Variants in INSR observed in about 807,000 individuals in gnomAD.
INSR encodes insulin receptor.
In INSR, 67 loss-of-function variants were observed where a neutral mutation model predicts 142.6. That is an observed-to-expected ratio of 0.47 (90% CI 0.39 to 0.58). The LOEUF is 0.58. INSR is among the 20% of genes least tolerant of loss of function. INSR has a pLI of 0.00. For missense variants in INSR, 1,248 were observed against 1,833.2 expected, an observed-to-expected ratio of 0.68 and a Z score of 5.83; for synonymous variants, 756 against 743.1, an observed-to-expected ratio of 1.02 and a Z score of -0.28.
intron 1 of INSR, among the ~76,000 whole-genome samples, chr19:7,279,121 C>T (rs1010006343): frequency 1.3e-5 from 2 of 151,446 alleles, no homozygotes; most frequent in Non-Finnish European, 2.9e-5. Flanking sequence ...GAGTGACACT[C>T]CATCTCAAAA....
intron 2 of INSR, among the ~76,000 whole-genome samples, chr19:7,261,428 T>A (rs762180301): frequency 5.3e-5 from 8 of 152,196 alleles, no homozygotes; most frequent in Non-Finnish European, 1.2e-4. Flanking sequence ...TCCTGGTATC[T>A]TTGCCCCAAA....
intron 1 of INSR, among the ~76,000 whole-genome samples, chr19:7,286,616 G>A (rs1289325476): frequency 6.6e-6 from 1 of 151,246 alleles, no homozygotes; most frequent in African/African-American, 2.4e-5. Context: ...TCAAACTGCT[G>A]GCTTCAAGTG....
rs1445501006 is a variant in INSR, at chr19:7,150,233, G to T, written c.2267+264C>A. On this transcript the variant is annotated intron_variant, in intron 11 of 21. Transcript: ENST00000302850. The surrounding 1 kb of genome is among the most constrained non-coding windows in gnomAD (Gnocchi z 4.2). ...AAACAGTGGCTGCAAACAGAAGGCAGGGAGGGGGTACCCAGGAAGCACTCC... is the reference window on the plus strand; with the variant it reads ...AAACAGTGGCTGCAAACAGAAGGCATGGAGGGGGTACCCAGGAAGCACTCC... Among the ~76,000 whole-genome samples, 1 of 152,232 alleles carries T rather than the reference G, an allele frequency of 6.6e-6. No homozygotes were observed. Among genetic ancestry groups the T allele is most frequent in the East Asian group, 1.9e-4 (1 of 5,196 alleles).
rs961959187 is a variant in INSR at position 7,150,261 on chromosome 19, T to G, written c.2267+236A>C. ...AGGGGGTACCCAGGAAGCACTCCCATGATTCTATGTTTTAGCAAGAGTGTG... is the reference window on the plus strand; with the variant it reads ...AGGGGGTACCCAGGAAGCACTCCCAGGATTCTATGTTTTAGCAAGAGTGTG... On this transcript the variant is annotated intron_variant, in intron 11 of 21. Coordinates refer to ENST00000302850, the MANE Select transcript of INSR (RefSeq NM_000208.4). The surrounding 1 kb of genome is among the most constrained non-coding windows in gnomAD (Gnocchi z 4.2). Among the ~76,000 whole-genome samples the G allele has an allele frequency of 3.9e-5, 6 of 152,192 alleles. No homozygotes were observed. Among genetic ancestry groups the G allele is most frequent in the Non-Finnish European group, 5.9e-5 (4 of 68,028 alleles).
intron 2 of INSR, among the ~76,000 whole-genome samples, chr19:7,221,026 G>A (rs932928474): frequency 6.6e-6 from 1 of 152,036 alleles, no homozygotes; most frequent in African/African-American, 2.4e-5. Flanking sequence ...CAGCTCCCTC[G>A]CCATGTGATG....
At chr19:7,217,528 G>A (rs1975472231) in intron 2 of INSR, among the ~76,000 whole-genome samples, 1 of 152,184 alleles carries the variant, frequency 6.6e-6, no homozygotes, top group Non-Finnish European at 1.5e-5. Context: ...GCCACAGAAT[G>A]TTTCGGTAGC....
At chr19:7,157,579 C>T (rs764121715) in intron 9 of INSR, among the ~76,000 whole-genome samples, 1 of 152,000 alleles carries the variant, frequency 6.6e-6, no homozygotes, top group African/African-American at 2.4e-5. Flanking sequence ...ACTTAAGTAC[C>T]GCAGCTGGTC....
intron 1 of INSR, among the ~76,000 whole-genome samples, chr19:7,277,851 G>A (rs1233591143): frequency 6.6e-6 from 1 of 151,304 alleles, no homozygotes; most frequent in Non-Finnish European, 1.5e-5. Context: ...CAGCACTTCA[G>A]GAGGCCCAGG....
chr19:7,162,510 CA>C (rs34535970), intron 9 of INSR, among the ~76,000 whole-genome samples: 38,038 of 117,980 alleles, frequency 0.32, 5,066 homozygotes, highest in Middle Eastern at 0.35. Context: ...GACCCTGTCT[CA>C]AAAAAAAAAA....
chr19:7,288,122 GCC>G (rs1162608482), intron 1 of INSR, among the ~76,000 whole-genome samples: 2 of 151,886 alleles, frequency 1.3e-5, no homozygotes, highest in Non-Finnish European at 2.9e-5. Context: ...CACTTGGGAG[GCC>G]CAGGAGGGAA....
At chr19:7,178,441 C>G (rs1974195410) in intron 3 of INSR, among the ~76,000 whole-genome samples, 1 of 152,100 alleles carries the variant, frequency 6.6e-6, no homozygotes, top group Non-Finnish European at 1.5e-5. Context: ...GGATACTGGG[C>G]CGGGTGCAGT....
chr19:7,234,733 T>C (rs948025073), intron 2 of INSR, among the ~76,000 whole-genome samples: 1 of 152,110 alleles, frequency 6.6e-6, no homozygotes, highest in South Asian at 2.1e-4. Context: ...CCTCCCATCA[T>C]GAAAACAAGG....
rs1599874273 is a variant in INSR at position 7,125,432 on chromosome 19, C to G, written c.3109G>C (p.Val1037Leu). 1 of 1,614,192 alleles carries G rather than the reference C, an allele frequency of 6.2e-7. No individual in the cohort carries two copies. The highest frequency in any genetic ancestry group is 8.5e-7 in the Non-Finnish European group (1 of 1,180,036). ...RELGQGSFGM[V>L]YEGNARDIIK... is the part of the protein sequence containing the mutation. ...ATGTCCCTGGCATTGCCCTCATACA[C>G]CATGCCGAAGGAGCCCTGCCCCAGC... Residue 1037 changes from valine to leucine, a missense_variant, in exon 17 of 22, where the codon GTG (valine) becomes CTG (leucine). Val to Leu is a conservative substitution (Grantham distance 32). Transcript: ENST00000302850. This position sits in a 1 kb window ranked among gnomAD's most constrained non-coding sequence, Gnocchi z 4.9.
intron 17 of INSR, 73 bp from the exon 18 acceptor site, chr19:7,123,062 G>C: frequency 8.9e-7 from 1 of 1,121,590 alleles, no homozygotes; most frequent in Non-Finnish European, 1.3e-6. Context: ...CTCCCTCCCT[G>C]GTGTCTATGT....
chr19:7,237,232 A>G (rs1363042406), intron 2 of INSR, among the ~76,000 whole-genome samples: 1 of 151,542 alleles, frequency 6.6e-6, no homozygotes, highest in East Asian at 2.0e-4. Context: ...ATAAACAAAA[A>G]AACAGGCCAG....
intron 2 of INSR, among the ~76,000 whole-genome samples, chr19:7,240,859 T>G (rs1976318049): frequency 6.6e-6 from 1 of 152,162 alleles, no homozygotes; most frequent in Non-Finnish European, 1.5e-5. Flanking sequence ...GAAACATAAA[T>G]GAATTTAACG....
In INSR at chr19:7,125,310, G is replaced by A. The variant is rs1599874035; in HGVS notation, c.3231C>T (p.Val1077=). Residue 1077 remains valine, a synonymous_variant, in exon 17 of 22, where the codon GTC becomes GTT. Coordinates refer to ENST00000302850, the MANE Select transcript of INSR (RefSeq NM_000208.4). This position sits in a 1 kb window ranked among gnomAD's most constrained non-coding sequence, Gnocchi z 4.9. ...CGTGATGGCAGGTGAAGCCCTTCAT[G>A]ACCGAGGCCTCATTGAGGAACTCAA... ...ERIEFLNEAS[V]MKGFTCHHVV... 6.2e-7 allele frequency: 1 copy of A among 1,614,016 alleles called. No individual in the cohort carries two copies. Among genetic ancestry groups the A allele is most frequent in the Non-Finnish European group, 8.5e-7 (1 of 1,180,024 alleles).
rs935674312 is a variant in INSR, at chr19:7,280,495, A to T, written c.101-12599T>A. 1.5e-4 allele frequency among the ~76,000 whole-genome samples: 23 copies of T among 152,086 alleles called. 2 individuals carry two copies. Reference sequence around the variant, plus strand: ...CACTTTGGGCAGCCGAGGCGGGTGGATCACCTGAGATCAGGAGTTCGAGAC... The same window carrying T: ...CACTTTGGGCAGCCGAGGCGGGTGGTTCACCTGAGATCAGGAGTTCGAGAC... On this transcript the variant is annotated intron_variant, in intron 1 of 21. Transcript: ENST00000302850.
At chr19:7,140,725 A>G (rs2144856151) in intron 13 of INSR, among the ~76,000 whole-genome samples, 1 of 151,958 alleles carries the variant, frequency 6.6e-6, no homozygotes, top group East Asian at 1.9e-4. Context: ...ACTTAACAGT[A>G]CTCAGGATCT....
Sources: allele counts gnomAD v4.1 joint callset (sites outside exome capture counted in the v4.1 genomes callset), GRCh38; gene constraint gnomAD v4.1.1; non-coding constraint Gnocchi (gnomAD v3.1); transcripts MANE v1.5; gene names NCBI Gene and HGNC (gene_info 2026-07-23, HGNC 2026-07-21).